DGKB: variants seen among roughly 807,000 people sequenced by gnomAD.
The protein encoded by DGKB is 90 kDa diacylglycerol kinase.
Under a neutral mutation model 114.3 loss-of-function variants are expected in DGKB, and 67 were observed. The observed-to-expected ratio is 0.59, with a 90% CI of 0.48 to 0.72. DGKB has a LOEUF of 0.72. Ranked by LOEUF, DGKB falls within the 30% of genes least tolerant of loss-of-function variation. The pLI is 0.00. For synonymous variants in DGKB, 398 were observed against 323.1 expected (o/e 1.23, Z -2.49); for missense variants, 907 against 975.2 (o/e 0.93, Z 0.93).
At chr7:14,747,263 G>C (rs1833433699) in intron 4 of DGKB, among the ~76,000 whole-genome samples, 1 of 144,488 alleles carries the variant, frequency 6.9e-6, no homozygotes, top group African/African-American at 2.6e-5. Context: ...CCCAATCATA[G>C]CTCACTGCAG....
At chr7:14,877,782 T>A (rs1232043558) in intron 1 of DGKB, among the ~76,000 whole-genome samples, 2 of 152,140 alleles carry the variant, frequency 1.3e-5, no homozygotes, top group Non-Finnish European at 2.9e-5. Flanking sequence ...AATAAATAAT[T>A]CTTCACAATG....
intron 5 of DGKB, among the ~76,000 whole-genome samples, chr7:14,734,931 A>G (rs538717931): frequency 1.4e-4 from 22 of 152,208 alleles, no homozygotes; most frequent in African/African-American, 5.1e-4. Flanking sequence ...GAGAGACGAG[A>G]AGGCACAGGG....
intron 4 of DGKB, among the ~76,000 whole-genome samples, chr7:14,749,460 A>C (rs1298928665): frequency 1.3e-5 from 2 of 152,196 alleles, no homozygotes; most frequent in Admixed American, 6.5e-5. Context: ...GTAGAAAGAC[A>C]ATTAGAAATA....
intron 21 of DGKB, among the ~76,000 whole-genome samples, chr7:14,387,672 C>T (rs184523851): frequency 3.6e-4 from 55 of 152,178 alleles, no homozygotes; most frequent in African/African-American, 9.9e-4. Flanking sequence ...CTGACTCAGC[C>T]TCCTAAAGTG....
At chr7:14,223,666 C>A (rs1224195291) in intron 23 of DGKB, among the ~76,000 whole-genome samples, 2 of 151,672 alleles carry the variant, frequency 1.3e-5, no homozygotes, top group African/African-American at 4.8e-5. Flanking sequence ...GCACACTTGC[C>A]TTTATTACTC....
intron 20 of DGKB, among the ~76,000 whole-genome samples, chr7:14,522,076 A>G (rs1339586510): frequency 3.3e-5 from 5 of 152,142 alleles, no homozygotes; most frequent in African/African-American, 1.2e-4. Context: ...GCTGTTACAC[A>G]TAGCTTAGCG....
rs1275012837 is a variant in DGKB, at chr7:14,309,898, A to G, written c.2122+28617T>C. Among the ~76,000 whole-genome samples the G allele has an allele frequency of 9.2e-5, 14 of 152,206 alleles. 1 individual carries two copies. Among genetic ancestry groups the G allele is most frequent in the Admixed American group, 9.2e-4 (14 of 15,288 alleles). On this transcript the variant is annotated intron_variant, in intron 23 of 25. Coordinates refer to ENST00000402815, the MANE Select transcript of DGKB (RefSeq NM_001350709.2). ...AGTATGTAGCCTAAGGGGCTCTGACAAAGGGTGAAAGAATATACATTTGGA... is the reference window on the plus strand; with the variant it reads ...AGTATGTAGCCTAAGGGGCTCTGACGAAGGGTGAAAGAATATACATTTGGA...
At chr7:14,674,192 G>A (rs1458155500) in intron 12 of DGKB, among the ~76,000 whole-genome samples, 1 of 151,878 alleles carries the variant, frequency 6.6e-6, no homozygotes, top group East Asian at 1.9e-4. Context: ...TACATTACAT[G>A]AAATAAACGT....
intron 21 of DGKB, among the ~76,000 whole-genome samples, chr7:14,456,209 G>A (rs928161882): frequency 6.6e-6 from 1 of 151,808 alleles, no homozygotes; most frequent in Non-Finnish European, 1.5e-5. Flanking sequence ...ATAGACTTGG[G>A]TCATATCACC....
At chr7:14,879,782 C>G (rs1413650852) in intron 1 of DGKB, among the ~76,000 whole-genome samples, 1 of 152,154 alleles carries the variant, frequency 6.6e-6, no homozygotes, top group East Asian at 1.9e-4. Context: ...TTTTGTATGA[C>G]AAGTTAAAAT....
intron 20 of DGKB, among the ~76,000 whole-genome samples, chr7:14,483,387 A>T (rs541967567): frequency 6.6e-6 from 1 of 152,336 alleles, no homozygotes; most frequent in East Asian, 1.9e-4. Context: ...ACTAAGTGTC[A>T]TCTGTATCTG....
At chr7:14,331,326 C>A (rs966026722) in intron 23 of DGKB, among the ~76,000 whole-genome samples, 9 of 151,890 alleles carry the variant, frequency 5.9e-5, no homozygotes, top group Admixed American at 2.6e-4. Flanking sequence ...TGCATGAAAT[C>A]CTTTTCTTGT....
At chr7:14,177,663 T>C (rs1781984951) in intron 24 of DGKB, among the ~76,000 whole-genome samples, 1 of 151,888 alleles carries the variant, frequency 6.6e-6, no homozygotes, top group Admixed American at 6.6e-5. Flanking sequence ...GGCACTTTAG[T>C]CCATGAAATG....
chr7:14,733,420 C>T (rs1373196020), intron 5 of DGKB, among the ~76,000 whole-genome samples: 3 of 152,170 alleles, frequency 2.0e-5, no homozygotes, highest in Non-Finnish European at 4.4e-5. Flanking sequence ...GACGCCATGG[C>T]TCATGCCTGT....
At chr7:14,754,668 T>G (rs1395905183) in intron 3 of DGKB, among the ~76,000 whole-genome samples, 1 of 152,164 alleles carries the variant, frequency 6.6e-6, no homozygotes. Flanking sequence ...GGCCTGACTA[T>G]GTTTTACTGA....
At chr7:14,338,483 G>A (rs376872231) in intron 23 of DGKB, 32 bp downstream of exon 23, 126 of 1,411,724 alleles carry the variant, frequency 8.9e-5, no homozygotes, top group Admixed American at 3.3e-4. Context: ...AGGTTAACAA[G>A]CAATTTAACA....
intron 1 of DGKB, among the ~76,000 whole-genome samples, chr7:14,932,474 T>G (rs1785071787): frequency 6.6e-6 from 1 of 152,210 alleles, no homozygotes; most frequent in South Asian, 2.1e-4. Context: ...CTACTAATAG[T>G]TCTTCGTAAT....
intron 1 of DGKB, among the ~76,000 whole-genome samples, chr7:14,914,882 A>G (rs1381197636): frequency 6.6e-6 from 1 of 152,110 alleles, no homozygotes; most frequent in African/African-American, 2.4e-5. Flanking sequence ...AGAAATGGAG[A>G]AGATTTAAGA....
intron 20 of DGKB, among the ~76,000 whole-genome samples, chr7:14,483,382 G>C (rs1022764055): frequency 6.6e-6 from 1 of 152,166 alleles, no homozygotes; most frequent in Admixed American, 6.5e-5. Context: ...ATGATACTAA[G>C]TGTCATCTGT....
Sources: allele counts gnomAD v4.1 joint callset (sites outside exome capture counted in the v4.1 genomes callset), GRCh38; gene constraint gnomAD v4.1.1; transcripts MANE v1.5; gene names NCBI Gene and HGNC (gene_info 2026-07-23, HGNC 2026-07-21).